Variants in LUZP2 observed in about 807,000 individuals in gnomAD.
LUZP2 encodes the protein leucine zipper protein 2.
In LUZP2, 52 loss-of-function variants were observed where a neutral mutation model predicts 51.6. The ratio of observed to expected loss-of-function variants is 1.01; its 90% CI spans 0.81 to 1.27. LUZP2 has a LOEUF of 1.27. Ranked by LOEUF, LUZP2 falls within the 50% of genes most tolerant of loss-of-function variation. The pLI is 0.00. For synonymous variants in LUZP2, 154 were observed against 137.3 expected (o/e 1.12, Z -0.85); for missense variants, 436 against 395.4 (o/e 1.10, Z -0.87).
chr11:25,025,985 CT>C (rs1345797071), intron 9 of LUZP2, among the ~76,000 whole-genome samples: 1 of 152,066 alleles, frequency 6.6e-6, no homozygotes, highest in East Asian at 1.9e-4. Flanking sequence ...AGTTCATGTC[CT>C]TTGTAGGGAC....
At chr11:24,511,999 A>G (rs533824272) in intron 1 of LUZP2, among the ~76,000 whole-genome samples, 58 of 152,340 alleles carry the variant, frequency 3.8e-4, no homozygotes, top group African/African-American at 1.3e-3. Context: ...TCTCTTCCTT[A>G]GAAGAAAGTA....
intron 5 of LUZP2, among the ~76,000 whole-genome samples, chr11:24,859,991 T>G (rs1327166216): frequency 6.6e-6 from 1 of 152,208 alleles, no homozygotes; most frequent in African/African-American, 2.4e-5. Flanking sequence ...CTAAGTCATT[T>G]AAGCTCCTGG....
intron 3 of LUZP2, among the ~76,000 whole-genome samples, chr11:24,735,133 A>G (rs763441581): frequency 2.0e-5 from 3 of 151,950 alleles, no homozygotes; most frequent in African/African-American, 7.2e-5. Context: ...GCCACATACA[A>G]CTATGTGGAG....
intron 5 of LUZP2, among the ~76,000 whole-genome samples, chr11:24,850,361 C>G (rs1037242777): frequency 1.3e-5 from 2 of 152,152 alleles, no homozygotes; most frequent in African/African-American, 4.8e-5. Context: ...GTTTTTCCAG[C>G]ACCATTCATT....
chr11:24,866,366 A>T (rs10834512), intron 5 of LUZP2, among the ~76,000 whole-genome samples: 55,514 of 152,046 alleles, frequency 0.37, 12,276 homozygotes, highest in Non-Finnish European at 0.49. Context: ...AAAACTGGAC[A>T]TATTTCTTGT....
At chr11:25,049,928 T>C (rs1404517456) in intron 9 of LUZP2, 110 bp from the exon 10 acceptor site, 3 of 470,394 alleles carry the variant, frequency 6.4e-6, no homozygotes, top group Non-Finnish European at 1.1e-5. Flanking sequence ...GTAATGTTGC[T>C]ATAATATTAT....
At chr11:24,887,061 C>A (rs576150844) in intron 5 of LUZP2, among the ~76,000 whole-genome samples, 1 of 152,240 alleles carries the variant, frequency 6.6e-6, no homozygotes, top group South Asian at 2.1e-4. Flanking sequence ...CTAGCAGGTG[C>A]CCTGTTGGCT....
At chr11:24,688,480 C>T (rs1325169601) in intron 1 of LUZP2, among the ~76,000 whole-genome samples, 2 of 152,098 alleles carry the variant, frequency 1.3e-5, no homozygotes. Flanking sequence ...TTCAAGTAGA[C>T]ATTTGAGATT....
intron 5 of LUZP2, among the ~76,000 whole-genome samples, chr11:24,769,786 C>CTTTTTTTTTTT (rs1554988302): frequency 8.8e-5 from 13 of 147,026 alleles, no homozygotes; most frequent in African/African-American, 2.9e-4. Context: ...ACTAAATTCT[C>CTTTTTTTTTTT]TTTTTTGTTT....
chr11:24,863,141 C>A (rs1960471), intron 5 of LUZP2, among the ~76,000 whole-genome samples: 152,310 of 152,314 alleles, frequency 1, 76,153 homozygotes, highest in Non-Finnish European at 1. Context: ...AGAATAGTTC[C>A]TCTGTTCCTC....
intron 1 of LUZP2, among the ~76,000 whole-genome samples, chr11:24,669,205 A>C (rs985921805): frequency 3.3e-5 from 5 of 152,150 alleles, no homozygotes; most frequent in African/African-American, 1.2e-4. Context: ...AGCAAAAGCA[A>C]TGTGTGTGCT....
chr11:24,860,789 ACCCTC>A (rs1851718374), intron 5 of LUZP2, among the ~76,000 whole-genome samples: 1 of 152,004 alleles, frequency 6.6e-6, no homozygotes, highest in Admixed American at 6.6e-5. Flanking sequence ...CCCCCCAAAA[ACCCTC>A]CCCAAGGGTC....
At chr11:24,662,770 G>C (rs1856063621) in intron 1 of LUZP2, among the ~76,000 whole-genome samples, 1 of 151,928 alleles carries the variant, frequency 6.6e-6, no homozygotes, top group Non-Finnish European at 1.5e-5. Context: ...TAAAAACAAA[G>C]TGGCTTCAGG....
chr11:24,824,212 A>T (rs1379423634), intron 5 of LUZP2, among the ~76,000 whole-genome samples: 1 of 150,474 alleles, frequency 6.6e-6, no homozygotes, highest in Non-Finnish European at 1.5e-5. Flanking sequence ...AAATATACAA[A>T]AAAATTAGCC....
intron 5 of LUZP2, among the ~76,000 whole-genome samples, chr11:24,771,963 A>G (rs1244089497): frequency 1.3e-5 from 2 of 152,160 alleles, no homozygotes; most frequent in Non-Finnish European, 2.9e-5. Context: ...TCCTTTATAA[A>G]TTACCCAGTC....
chr11:24,843,695 T>A (rs1851105410), intron 5 of LUZP2, among the ~76,000 whole-genome samples: 1 of 152,152 alleles, frequency 6.6e-6, no homozygotes, highest in South Asian at 2.1e-4. Context: ...TCATCTTGAA[T>A]TGTAACTCAC....
chr11:24,700,799 G>A (rs776650858), intron 1 of LUZP2, among the ~76,000 whole-genome samples: 21 of 151,906 alleles, frequency 1.4e-4, no homozygotes, highest in Non-Finnish European at 2.8e-4. Flanking sequence ...ATCAGTGGGG[G>A]CACTAACTTT....
intron 1 of LUZP2, among the ~76,000 whole-genome samples, chr11:24,534,300 G>A (rs1851102505): frequency 6.6e-6 from 1 of 150,684 alleles, no homozygotes; most frequent in African/African-American, 2.4e-5. Flanking sequence ...TACATACATA[G>A]AGAGCACATA....
intron 5 of LUZP2, among the ~76,000 whole-genome samples, chr11:24,799,923 T>C (rs1849650175): frequency 3.3e-5 from 5 of 152,206 alleles, no homozygotes; most frequent in South Asian, 2.1e-4. Flanking sequence ...ATCTTCCTGA[T>C]TGATTGCTGC....
Sources: allele counts gnomAD v4.1 joint callset (sites outside exome capture counted in the v4.1 genomes callset), GRCh38; gene constraint gnomAD v4.1.1; transcripts MANE v1.5; gene names NCBI Gene and HGNC (gene_info 2026-07-23, HGNC 2026-07-21).